The following ACBD6 variants were observed in gnomAD, a reference collection of about 807,000 sequenced individuals.
ACBD6 encodes acyl-CoA-binding domain-containing protein 6.
ACBD6 carries 28 observed loss-of-function variants against 37.2 expected under a neutral mutation model. That is an observed-to-expected ratio of 0.75 (90% CI 0.56 to 1.03). The LOEUF (loss-of-function observed/expected upper bound fraction) is 1.03, where lower values mean the gene tolerates loss of function less well. Ranked by LOEUF, ACBD6 falls within the 50% of genes least tolerant of loss-of-function variation. ACBD6 has a pLI of 0.00. For missense variants in ACBD6, 340 were observed against 337.4 expected (o/e 1.01, Z -0.06); for synonymous variants, 113 against 126.8 (o/e 0.89, Z 0.73).
intron 3 of ACBD6, among the ~76,000 whole-genome samples, chr1:180,448,847 A>G (rs986317390): frequency 6.6e-6 from 1 of 152,162 alleles, no homozygotes; most frequent in Non-Finnish European, 1.5e-5. Flanking sequence ...TAAAATATAA[A>G]TCTGGTAGCT....
intron 6 of ACBD6, among the ~76,000 whole-genome samples, chr1:180,367,869 T>C (rs899596598): frequency 6.6e-6 from 1 of 152,242 alleles, no homozygotes; most frequent in Non-Finnish European, 1.5e-5. Context: ...CATGTGTCTT[T>C]ATGGTAGAAT....
intron 6 of ACBD6, among the ~76,000 whole-genome samples, chr1:180,351,316 C>T (rs1332856299): frequency 6.6e-6 from 1 of 151,282 alleles, no homozygotes; most frequent in Non-Finnish European, 1.5e-5. Flanking sequence ...TGCTCTGTCA[C>T]CCAGGCTGGA....
chr1:180,483,287 C>A (rs777468852), intron 3 of ACBD6, among the ~76,000 whole-genome samples: 1 of 152,042 alleles, frequency 6.6e-6, no homozygotes, highest in Non-Finnish European at 1.5e-5. Context: ...TTTCAGTGAG[C>A]CTCTCCTGAC....
intron 3 of ACBD6, chr1:180,435,236 G>A (rs866994664): frequency 2.3e-5 from 15 of 663,634 alleles, no homozygotes; most frequent in Middle Eastern, 2.7e-4. Context: ...ACGAGGGCTG[G>A]CTGGCCGGCT....
intron 6 of ACBD6, among the ~76,000 whole-genome samples, chr1:180,343,263 TAA>T (rs908863277): frequency 6.9e-6 from 1 of 144,810 alleles, no homozygotes; most frequent in Non-Finnish European, 1.6e-5. Flanking sequence ...AAAAATCTTA[TAA>T]AAAAAGAGTT....
At chr1:180,277,428 C>G (rs1649100273) in intron 9 of ACBD6, 1 of 152,148 alleles carries the variant, frequency 6.6e-6, no homozygotes, top group Non-Finnish European at 1.5e-5. Flanking sequence ...TAGAGGCAAC[C>G]ATTATCTGCA....
chr1:180,437,832 A>G (rs573966476), intron 3 of ACBD6, among the ~76,000 whole-genome samples: 10 of 152,318 alleles, frequency 6.6e-5, no homozygotes, highest in African/African-American at 2.4e-4. Flanking sequence ...CCCTTTGAAT[A>G]AAGACAAAGG....
chr1:180,334,130 A>G (rs1651600046), intron 6 of ACBD6, among the ~76,000 whole-genome samples: 5 of 152,226 alleles, frequency 3.3e-5, no homozygotes, highest in Admixed American at 1.3e-4. Flanking sequence ...ACCTCTGCAG[A>G]CTTAAATGTC....
At chr1:180,429,664 C>T (rs898779329) in intron 4 of ACBD6, among the ~76,000 whole-genome samples, 5 of 152,062 alleles carry the variant, frequency 3.3e-5, no homozygotes, top group African/African-American at 1.2e-4. Context: ...AGGAAACTTC[C>T]GTTTTCCACA....
At chr1:180,278,285 G>C (rs576139202) in intron 9 of ACBD6, 1 of 152,352 alleles carries the variant, frequency 6.6e-6, no homozygotes, top group East Asian at 1.9e-4. Context: ...TTTATTGCCT[G>C]CTGCTGAAGG....
intron 2 of ACBD6, among the ~76,000 whole-genome samples, chr1:180,493,831 T>C (rs1651623402): frequency 1.3e-5 from 2 of 152,250 alleles, no homozygotes; most frequent in Admixed American, 6.5e-5. Flanking sequence ...GTTGGTATTT[T>C]TTAAGAGTCC....
intron 6 of ACBD6, among the ~76,000 whole-genome samples, chr1:180,335,452 A>C (rs1332552652): frequency 6.6e-6 from 1 of 152,162 alleles, no homozygotes; most frequent in Non-Finnish European, 1.5e-5. Flanking sequence ...TTTACAGACA[A>C]GCAAATGCTG....
At chr1:180,351,556 A>T (rs1370775046) in intron 6 of ACBD6, among the ~76,000 whole-genome samples, 2 of 145,248 alleles carry the variant, frequency 1.4e-5, no homozygotes, top group African/African-American at 5.1e-5. Flanking sequence ...TACAGGTGTG[A>T]GTCACTGTGC....
At chr1:180,425,283 T>C (rs1392664753) in intron 4 of ACBD6, among the ~76,000 whole-genome samples, 4 of 152,206 alleles carry the variant, frequency 2.6e-5, no homozygotes, top group African/African-American at 7.2e-5. Context: ...AATAAATCCA[T>C]AACTCAAGTT....
chr1:180,384,571 ACT>A (rs1429372328), intron 6 of ACBD6, among the ~76,000 whole-genome samples: 1 of 116,144 alleles, frequency 8.6e-6, no homozygotes, highest in Non-Finnish European at 1.7e-5. Context: ...TAGTACAGCC[ACT>A]ATGGGGCAAC....
chr1:180,321,652 A>C (rs1651075661), intron 6 of ACBD6, among the ~76,000 whole-genome samples: 1 of 152,138 alleles, frequency 6.6e-6, no homozygotes, highest in Admixed American at 6.5e-5. Flanking sequence ...TGGGTGACAG[A>C]GCAAGACTCT....
At chr1:180,311,816 T>C (rs1323431600) in intron 7 of ACBD6, among the ~76,000 whole-genome samples, 11 of 152,186 alleles carry the variant, frequency 7.2e-5, no homozygotes, top group Non-Finnish European at 4.4e-5. Context: ...TTTTGTAGAT[T>C]TTCTTGAATA....
At chr1:180,484,605 A>G (rs529061526) in intron 3 of ACBD6, among the ~76,000 whole-genome samples, 2 of 152,332 alleles carry the variant, frequency 1.3e-5, no homozygotes, top group East Asian at 3.9e-4. Context: ...TTAGTATACA[A>G]GTAGATAAAT....
chr1:180,414,345 T>C (rs1647989879), intron 4 of ACBD6, among the ~76,000 whole-genome samples: 1 of 152,236 alleles, frequency 6.6e-6, no homozygotes, highest in Non-Finnish European at 1.5e-5. Context: ...CAAACTGATG[T>C]GTTTTATAAC....
Sources: allele counts gnomAD v4.1 joint callset (sites outside exome capture counted in the v4.1 genomes callset), GRCh38; gene constraint gnomAD v4.1.1; transcripts MANE v1.5; gene names NCBI Gene and HGNC (gene_info 2026-07-23, HGNC 2026-07-21).